Variants in UHRF2 observed in about 807,000 individuals in gnomAD.
UHRF2 encodes the protein ubiquitin like with PHD and ring finger domains 2.
Under a neutral mutation model 96.8 loss-of-function variants are expected in UHRF2, and 23 were observed. That is an observed-to-expected ratio of 0.24 (90% CI 0.17 to 0.34). The LOEUF (loss-of-function observed/expected upper bound fraction) is 0.34, where lower values mean the gene tolerates loss of function less well. Among genes scored for constraint, UHRF2 ranks in the 10% least tolerant of loss-of-function variants. The pLI, the probability that UHRF2 is intolerant of heterozygous loss-of-function variation, is 1.00. For missense variants in UHRF2, 685 were observed against 981.5 expected (o/e 0.70, Z 4.04); for synonymous variants, 385 against 332.6 (o/e 1.16, Z -1.72).
At chr9:6,449,187 T>C (rs911030440) in intron 3 of UHRF2, among the ~76,000 whole-genome samples, 4 of 152,260 alleles carry the variant, frequency 2.6e-5, no homozygotes, top group African/African-American at 9.6e-5. Flanking sequence ...TGCAGTTAGC[T>C]GATCGTCTTC....
intron 1 of UHRF2, 51 bp from the exon 2 acceptor site, chr9:6,420,858 TGTA>T: frequency 2.1e-6 from 3 of 1,435,502 alleles, no homozygotes; most frequent in South Asian, 1.2e-5. Flanking sequence ...CAACTAAAAA[TGTA>T]GTAAGATACA....
intron 3 of UHRF2, among the ~76,000 whole-genome samples, chr9:6,452,830 G>T (rs957684850): frequency 6.6e-6 from 1 of 152,070 alleles, no homozygotes; most frequent in Non-Finnish European, 1.5e-5. Context: ...ATGGTTATAT[G>T]AATCTGAAAA....
At position 6,499,811 on chromosome 9, in the gene UHRF2, C is replaced by T. The variant is rs778935424; in HGVS notation, c.1909-24C>T. 1.2e-5 allele frequency: 18 copies of T among 1,505,578 alleles called. No individual in the cohort carries two copies. In the East Asian group the frequency reaches 4.5e-4, roughly 38 times the overall value. 93.3% of individuals were successfully genotyped at this position (1,505,578 alleles called of 1,614,324 possible). On this transcript the variant is annotated intron_variant, in intron 12 of 15. Transcript: ENST00000276893. ...CTGTGAAGCTTAAATCTGCATTGTACTCTCCCTCCTCCCCCCCCATCAGTA... is the reference window on the plus strand; with the variant it reads ...CTGTGAAGCTTAAATCTGCATTGTATTCTCCCTCCTCCCCCCCCATCAGTA...
rs778930212 is a variant in UHRF2 at position 6,506,167 on chromosome 9, C to T, written c.2397C>T (p.Ser799=). Reference sequence around the variant, plus strand: ...TTGACCTTTTCTTCCCTGGCTACAGCAAAGGACGATGATCTGCCTGCTTTC... The same window carrying T: ...TTGACCTTTTCTTCCCTGGCTACAGTAAAGGACGATGATCTGCCTGCTTTC... The part of the protein sequence containing the change: ...TLLDLFFPGY[S]KGR The change falls in exon 16 of 16, where the codon AGC becomes AGT. Residue 799 remains serine, a synonymous_variant. Coordinates refer to ENST00000276893, the MANE Select transcript of UHRF2 (RefSeq NM_152896.3). 3 of 1,614,098 alleles carry T rather than the reference C, an allele frequency of 1.9e-6. No homozygotes were observed. The South Asian group carries it at 3.3e-5, about 18-fold the overall frequency.
intron 3 of UHRF2, 37 bp from the exon 4 acceptor site, chr9:6,460,536 T>C (rs1822475979): frequency 6.5e-7 from 1 of 1,527,002 alleles, no homozygotes; most frequent in African/African-American, 1.4e-5. Context: ...TAGTTGTCTT[T>C]GGTAATCATA....
intron 1 of UHRF2, among the ~76,000 whole-genome samples, chr9:6,416,635 C>G (rs10975582): frequency 0.7 from 105,085 of 150,286 alleles, 39,236 homozygotes; most frequent in South Asian, 0.83. Flanking sequence ...CTCCGCCTTC[C>G]GGGTTCACGC....
chr9:6,497,900 C>G (rs1260583791), intron 11 of UHRF2, 118 bp from the exon 12 acceptor site: 4 of 1,310,354 alleles, frequency 3.1e-6, no homozygotes, highest in Non-Finnish European at 3.2e-6. Flanking sequence ...GTCCTTACAG[C>G]AAAGCAGAAT....
intron 4 of UHRF2, among the ~76,000 whole-genome samples, chr9:6,465,347 ATCT>A (rs932607046): frequency 4.6e-5 from 7 of 152,274 alleles, no homozygotes; most frequent in African/African-American, 1.7e-4. Flanking sequence ...ATAATTTGGA[ATCT>A]TCTTTTTCTT....
At chr9:6,483,856 A>G (rs1192446391) in intron 8 of UHRF2, among the ~76,000 whole-genome samples, 2 of 151,786 alleles carry the variant, frequency 1.3e-5, no homozygotes. Flanking sequence ...CGCCTGACTA[A>G]TTTTGTATTT....
intron 3 of UHRF2, among the ~76,000 whole-genome samples, chr9:6,459,964 C>G (rs1587825950): frequency 6.6e-6 from 1 of 152,142 alleles, no homozygotes; most frequent in Admixed American, 6.5e-5. Flanking sequence ...CAGAGTGAGA[C>G]CTTGTCTCAG....
rs542427605 is a variant in UHRF2, at chr9:6,413,292, C to T, written c.-199C>T. 1.1e-5 allele frequency: 3 copies of T among 278,484 alleles called. No homozygotes were observed. The highest frequency in any genetic ancestry group is 1.8e-5 in the Non-Finnish European group (3 of 163,612). 17.3% of individuals were successfully genotyped at this position (278,484 alleles called of 1,614,324 possible). A position where few individuals can be genotyped will look rare whatever the true frequency, so the allele number is the denominator to read the frequency against. On this transcript the variant is annotated 5_prime_UTR_variant, in exon 1 of 16. Coordinates refer to ENST00000276893, the MANE Select transcript of UHRF2 (RefSeq NM_152896.3). ...CCTCAGAGTGGTTCCGGTCGTCTCT[C>T]CTCAAGTCGGCTAGTCGGGCGCGCG...
intron 9 of UHRF2, among the ~76,000 whole-genome samples, chr9:6,491,116 C>G (rs1391589873): frequency 6.6e-6 from 1 of 152,142 alleles, no homozygotes; most frequent in African/African-American, 2.4e-5. Flanking sequence ...GTTTTAGTGC[C>G]TTGTATTTTG....
chr9:6,433,058 C>T (rs767644618), intron 2 of UHRF2, among the ~76,000 whole-genome samples: 3 of 152,134 alleles, frequency 2.0e-5, no homozygotes, highest in Non-Finnish European at 2.9e-5. Context: ...CCAGGCTGGT[C>T]TTGACCTCAA....
intron 4 of UHRF2, chr9:6,468,606 TTTTGGCAGATA>T (rs1358678984): frequency 2.2e-6 from 1 of 456,040 alleles, no homozygotes; most frequent in Admixed American, 2.3e-5. Context: ...TCAGCAGAGT[TTTTGGCAGATA>T]TTTGGGATGC....
chr9:6,466,684 C>G (rs755314009), intron 4 of UHRF2, among the ~76,000 whole-genome samples: 2 of 151,482 alleles, frequency 1.3e-5, no homozygotes, highest in Non-Finnish European at 2.9e-5. Flanking sequence ...TTGAACATGG[C>G]TTCTTACAGA....
At chr9:6,461,454 C>G (rs1036186615) in intron 4 of UHRF2, among the ~76,000 whole-genome samples, 1 of 146,766 alleles carries the variant, frequency 6.8e-6, no homozygotes, top group African/African-American at 2.5e-5. Context: ...CTCACTGTAA[C>G]CTCTGCCTCT....
chr9:6,493,366 A>G (rs1824783179), intron 9 of UHRF2, among the ~76,000 whole-genome samples: 1 of 152,190 alleles, frequency 6.6e-6, no homozygotes, highest in Admixed American at 6.5e-5. Context: ...TGTCAATGCC[A>G]GAATTTGAAA....
chr9:6,493,721 A>G, intron 9 of UHRF2, 105 bp from the exon 10 acceptor site: 1 of 970,368 alleles, frequency 1.0e-6, no homozygotes, highest in South Asian at 1.9e-5. Flanking sequence ...TCAAGAGAAA[A>G]TGTCAACTCA....
At chr9:6,432,132 A>G (rs190090015) in intron 2 of UHRF2, among the ~76,000 whole-genome samples, 1 of 152,310 alleles carries the variant, frequency 6.6e-6, no homozygotes, top group Non-Finnish European at 1.5e-5. Context: ...AATGTATAAC[A>G]TGCTCCATCT....
Sources: gnomAD v4.1 joint callset for allele counts (sites outside exome capture counted in the v4.1 genomes callset) on GRCh38, gnomAD v4.1.1 for gene constraint, MANE v1.5 for transcripts, NCBI Gene and HGNC (gene_info 2026-07-23, HGNC 2026-07-21) for gene names.